The following MEI4 variants were observed in gnomAD, a reference collection of about 807,000 sequenced individuals.
MEI4 encodes meiotic double-stranded break formation protein 4, also known as meiosis-specific protein MEI4.
Under a neutral mutation model 31.4 loss-of-function variants are expected in MEI4, and 27 were observed. The observed-to-expected ratio is 0.86, with a 90% CI of 0.63 to 1.19. The LOEUF (loss-of-function observed/expected upper bound fraction) is 1.19, where lower values mean the gene tolerates loss of function less well. Ranked by LOEUF, MEI4 falls within the 50% of genes most tolerant of loss-of-function variation. The pLI, the probability that MEI4 is intolerant of heterozygous loss-of-function variation, is 0.00. For synonymous variants in MEI4, 122 were observed against 145.4 expected, an observed-to-expected ratio of 0.84 and a Z score of 1.16; for missense variants, 329 against 398.9, an observed-to-expected ratio of 0.82 and a Z score of 1.49.
intron 3 of MEI4, among the ~76,000 whole-genome samples, chr6:77,813,466 C>T (rs1433877224): frequency 1.3e-5 from 2 of 151,788 alleles, no homozygotes; most frequent in African/African-American, 4.8e-5. Flanking sequence ...TCTTGACTGT[C>T]CCCAGATTCT....
intron 2 of MEI4, among the ~76,000 whole-genome samples, chr6:77,708,028 A>G (rs1460695069): frequency 6.6e-6 from 1 of 152,152 alleles, no homozygotes; most frequent in Non-Finnish European, 1.5e-5. Flanking sequence ...GAAATTTGGG[A>G]TTGGAGCTCC....
At chr6:77,920,419 T>C (rs1766676674) in intron 4 of MEI4, among the ~76,000 whole-genome samples, 1 of 151,962 alleles carries the variant, frequency 6.6e-6, no homozygotes, top group African/African-American at 2.4e-5. Context: ...TCTCAATAGA[T>C]CCACCTCTAA....
At chr6:77,802,045 G>C (rs1490404865) in intron 3 of MEI4, among the ~76,000 whole-genome samples, 1 of 152,098 alleles carries the variant, frequency 6.6e-6, no homozygotes, top group Non-Finnish European at 1.5e-5. Flanking sequence ...CTGTCTCGTT[G>C]ATCTGTCTAA....
At chr6:77,862,148 G>C (rs1161071595) in intron 4 of MEI4, among the ~76,000 whole-genome samples, 1 of 152,050 alleles carries the variant, frequency 6.6e-6, no homozygotes, top group African/African-American at 2.4e-5. Flanking sequence ...GAGTGACGAA[G>C]AAGACAGGTG....
intron 4 of MEI4, among the ~76,000 whole-genome samples, chr6:77,864,576 T>G (rs1770965809): frequency 6.6e-6 from 1 of 152,178 alleles, no homozygotes; most frequent in South Asian, 2.1e-4. Flanking sequence ...CCCAGATGCA[T>G]AAAGCAAGTC....
intron 3 of MEI4, among the ~76,000 whole-genome samples, chr6:77,792,379 TATA>T (rs1768960274): frequency 6.6e-6 from 1 of 152,166 alleles, no homozygotes; most frequent in Admixed American, 6.5e-5. Context: ...GGGGAATCTT[TATA>T]ATGTTTTCTA....
At chr6:77,830,955 G>A (rs1770064251) in intron 4 of MEI4, among the ~76,000 whole-genome samples, 1 of 151,918 alleles carries the variant, frequency 6.6e-6, no homozygotes, top group Non-Finnish European at 1.5e-5. Flanking sequence ...AATTAGCCAA[G>A]TGAAGAGACA....
rs1241361212 is a variant in MEI4 at position 77,719,389 on chromosome 6, A to G, written c.232+28486A>G. Among the ~76,000 whole-genome samples, 11 of 131,926 alleles carry G rather than the reference A, an allele frequency of 8.3e-5. 2 individuals are homozygous for G. Among genetic ancestry groups the G allele is most frequent in the Admixed American group, 3.9e-4 (5 of 12,950 alleles). The allele number at this position is 131,926 out of a possible 152,430, so 86.5% of individuals were successfully genotyped here. ...CGCTTACCATGTGATAAGTGAATCT[A>G]CAGATGGGACTGACAATAGGTACTT... On this transcript the variant is annotated intron_variant, in intron 2 of 4. Transcript: ENST00000684080.
intron 2 of MEI4, among the ~76,000 whole-genome samples, chr6:77,732,058 G>T (rs1199003929): frequency 6.7e-6 from 1 of 149,252 alleles, no homozygotes; most frequent in African/African-American, 2.5e-5. Flanking sequence ...AAGTCAGGTA[G>T]TGTGATGCCT....
intron 2 of MEI4, among the ~76,000 whole-genome samples, chr6:77,745,539 C>A (rs942356956): frequency 1.1e-4 from 16 of 152,196 alleles, no homozygotes; most frequent in African/African-American, 3.6e-4. Flanking sequence ...TAATACCCCA[C>A]TGTCAACATT....
At chr6:77,696,717 T>C (rs979434636) in intron 2 of MEI4, among the ~76,000 whole-genome samples, 1 of 151,856 alleles carries the variant, frequency 6.6e-6, no homozygotes, top group Non-Finnish European at 1.5e-5. Context: ...GATATTGGTC[T>C]AAAATTCTCT....
intron 4 of MEI4, among the ~76,000 whole-genome samples, chr6:77,884,759 A>G (rs1430968856): frequency 2.6e-5 from 4 of 152,092 alleles, no homozygotes; most frequent in African/African-American, 7.2e-5. Flanking sequence ...TACTATAGCC[A>G]TGTAGTATAT....
Position 77,857,858 on chromosome 6 carries a change from C to T in MEI4, c.900+28796C>T, listed in dbSNP as rs73763514. The stretch of plus-strand genomic sequence containing the variant: ...CTTCTATTGAAGCCATGTTTTTAAC[C>T]GTATGTATTGAGGGAATACTGTGCA... On this transcript the variant is annotated intron_variant, in intron 4 of 4. Coordinates refer to ENST00000684080, the MANE Select transcript of MEI4 (RefSeq NM_001322247.2). Among the ~76,000 whole-genome samples, 1,380 of 152,188 alleles carry T rather than the reference C, an allele frequency of 9.1e-3. 17 individuals carry two copies. The highest frequency in any genetic ancestry group is 0.031 in the African/African-American group (1,278 of 41,524).
chr6:77,906,289 A>G (rs1766294752), intron 4 of MEI4, among the ~76,000 whole-genome samples: 1 of 151,950 alleles, frequency 6.6e-6, no homozygotes, highest in African/African-American at 2.4e-5. Context: ...TTTGGTGGAG[A>G]AGTCATTTAT....
intron 4 of MEI4, among the ~76,000 whole-genome samples, chr6:77,860,913 A>T (rs1339949471): frequency 6.6e-6 from 1 of 152,052 alleles, no homozygotes; most frequent in Non-Finnish European, 1.5e-5. Flanking sequence ...GGCTCAGAGT[A>T]TTTCACTTGT....
At chr6:77,873,126 G>T (rs997155286) in intron 4 of MEI4, among the ~76,000 whole-genome samples, 32 of 152,124 alleles carry the variant, frequency 2.1e-4, no homozygotes, top group Non-Finnish European at 3.2e-4. Flanking sequence ...ACAGTAATGG[G>T]ATGGCTGGGT....
chr6:77,731,752 A>G (rs1308984837), intron 2 of MEI4, among the ~76,000 whole-genome samples: 1 of 151,784 alleles, frequency 6.6e-6, no homozygotes, highest in East Asian at 1.9e-4. Flanking sequence ...TAGGGTTTTT[A>G]TGGTTTTAGG....
intron 3 of MEI4, among the ~76,000 whole-genome samples, chr6:77,806,524 G>A (rs987806761): frequency 6.6e-6 from 1 of 152,074 alleles, no homozygotes; most frequent in Non-Finnish European, 1.5e-5. Context: ...ATAGAATATA[G>A]GGAAAGTTTT....
chr6:77,712,970 C>CAAA (rs547600542), intron 2 of MEI4, among the ~76,000 whole-genome samples: 2 of 100,080 alleles, frequency 2.0e-5, no homozygotes, highest in African/African-American at 3.8e-5. Context: ...GACTCCATCT[C>CAAA]AAAAAAAAAA....
Sources: allele counts gnomAD v4.1 joint callset (sites outside exome capture counted in the v4.1 genomes callset), GRCh38; gene constraint gnomAD v4.1.1; transcripts MANE v1.5; gene names NCBI Gene and HGNC (gene_info 2026-07-23, HGNC 2026-07-21).